Variants in ITGA1 observed in about 807,000 individuals in gnomAD.
ITGA1 encodes the protein integrin alpha-1.
Under a neutral mutation model 145.9 loss-of-function variants are expected in ITGA1, and 85 were observed. The ratio of observed to expected loss-of-function variants is 0.58; its 90% CI spans 0.49 to 0.70. The LOEUF is 0.70. Ranked by LOEUF, ITGA1 falls within the 30% of genes least tolerant of loss-of-function variation. The pLI is 0.00. For missense variants in ITGA1, 1,351 were observed against 1,418.7 expected, an observed-to-expected ratio of 0.95 and a Z score of 0.77; for synonymous variants, 520 against 495.3, an observed-to-expected ratio of 1.05 and a Z score of -0.66.
chr5:52,879,762 C>A (rs930563238), intron 6 of ITGA1, among the ~76,000 whole-genome samples: 2 of 152,026 alleles, frequency 1.3e-5, no homozygotes, highest in African/African-American at 4.8e-5. Context: ...TAGTAGCTCT[C>A]TCAGAATAGG....
chr5:52,801,488 C>T, intron 1 of ITGA1: 4 of 1,614,072 alleles, frequency 2.5e-6, no homozygotes, highest in Middle Eastern at 3.3e-4. Context: ...CTTTCAGACA[C>T]TAAAGCTGCT....
chr5:52,864,875 T>G, intron 4 of ITGA1, 24 bp downstream of exon 4: 1 of 1,559,792 alleles, frequency 6.4e-7, no homozygotes, highest in Non-Finnish European at 8.8e-7. Context: ...GAATGATATT[T>G]ATTGACAACA....
intron 14 of ITGA1, 133 bp from the exon 15 acceptor site, chr5:52,915,331 A>T (rs951444886): frequency 1.2e-6 from 1 of 860,588 alleles, no homozygotes; most frequent in South Asian, 1.7e-5. Context: ...TCTCCACATG[A>T]GGGACCTCTT....
rs1750927149 is a variant in ITGA1, at chr5:52,933,890, T to G, written c.2862-4T>G. ...TTTATTTTTCTTCTAATTAATTTTT[T>G]AAGCTCTGCAAGTGAATACCACATT... On this transcript the variant is annotated splice_polypyrimidine_tract_variant and splice_region_variant and intron_variant, in intron 22 of 28. Coordinates refer to ENST00000282588, the MANE Select transcript of ITGA1 (RefSeq NM_181501.2). 4.2e-6 allele frequency: 6 copies of G among 1,429,728 alleles called. No homozygotes were observed. The African/African-American group carries it at 8.7e-5, about 21-fold the overall frequency. 88.6% of individuals were successfully genotyped at this position (1,429,728 alleles called of 1,614,324 possible). A position where few individuals can be genotyped will look rare whatever the true frequency, so the allele number is the denominator to read the frequency against.
At chr5:52,914,837 A>G (rs1048039670) in intron 14 of ITGA1, among the ~76,000 whole-genome samples, 7 of 152,196 alleles carry the variant, frequency 4.6e-5, no homozygotes, top group East Asian at 1.9e-4. Context: ...ACAGATATCA[A>G]ACATACTATG....
chr5:52,921,792 T>G (rs572054592), intron 17 of ITGA1, among the ~76,000 whole-genome samples: 1 of 152,340 alleles, frequency 6.6e-6, no homozygotes, highest in East Asian at 1.9e-4. Context: ...TTCCACATTC[T>G]GAGAGACTTT....
intron 9 of ITGA1, among the ~76,000 whole-genome samples, chr5:52,894,448 C>A (rs191527102): frequency 8.5e-5 from 13 of 152,146 alleles, no homozygotes; most frequent in Admixed American, 2.0e-4. Context: ...CGAGTTATGG[C>A]ATTCCCTATT....
At chr5:52,846,358 G>T (rs909112109) in intron 1 of ITGA1, among the ~76,000 whole-genome samples, 1 of 152,052 alleles carries the variant, frequency 6.6e-6, no homozygotes, top group Non-Finnish European at 1.5e-5. Flanking sequence ...AACAGAGATT[G>T]TACCACTGCA....
chr5:52,911,562 C>A (rs1354898085), intron 14 of ITGA1, among the ~76,000 whole-genome samples: 3 of 50,918 alleles, frequency 5.9e-5, no homozygotes, highest in Non-Finnish European at 1.4e-4. Flanking sequence ...TATAGTGTAT[C>A]TACTATATAT....
intron 2 of ITGA1, among the ~76,000 whole-genome samples, chr5:52,854,877 A>T (rs1749483229): frequency 1.3e-5 from 2 of 152,200 alleles, no homozygotes. Context: ...CCTTGAGTTG[A>T]TCAGATGTTT....
At chr5:52,845,842 C>A (rs868620174) in intron 1 of ITGA1, among the ~76,000 whole-genome samples, 3 of 152,130 alleles carry the variant, frequency 2.0e-5, no homozygotes, top group Admixed American at 2.0e-4. Flanking sequence ...TCAAAAAATA[C>A]TTTCTTGAAA....
intron 6 of ITGA1, among the ~76,000 whole-genome samples, chr5:52,874,996 T>G (rs1317933960): frequency 6.6e-6 from 1 of 152,186 alleles, no homozygotes; most frequent in Non-Finnish European, 1.5e-5. Flanking sequence ...TTCCAATTAG[T>G]AATCCACAAT....
Position 52,887,853 on chromosome 5 carries a change from G to A in ITGA1, c.812G>A (p.Gly271Glu). ...ACGGAAGCCCGGGGTGCCCGAAGAG[G>A]AGTTAAAAAAGTCATGGTTATTGTG... ...AFTEARGARR[G>E]VKKVMVIVTD... The change falls in exon 8 of 29, where the codon GGA becomes GAA. Residue 271 changes from glycine to glutamate, a missense_variant. Physicochemically the swap from Gly to Glu is moderately conservative, Grantham distance 98. Coordinates refer to ENST00000282588, the MANE Select transcript of ITGA1 (RefSeq NM_181501.2). 6.2e-7 allele frequency: 1 copy of A among 1,613,814 alleles called. No homozygotes were observed. Among genetic ancestry groups the A allele is most frequent in the Non-Finnish European group, 8.5e-7 (1 of 1,179,808 alleles).
At position 52,953,270 on chromosome 5, in the gene ITGA1, T is replaced by G. The variant is rs1579739801; in HGVS notation, c.*819T>G. On this transcript the variant is annotated 3_prime_UTR_variant, in exon 29 of 29. Coordinates refer to ENST00000282588, the MANE Select transcript of ITGA1 (RefSeq NM_181501.2). The stretch of plus-strand genomic sequence containing the variant: ...GTGATTTGTCATGAAAAGCCATATA[T>G]GGGGGACATGCTAAAATGGCTTCTG... The G allele has an allele frequency of 6.6e-6, 1 of 152,172 alleles. No individual in the cohort carries two copies. The highest frequency in any genetic ancestry group is 2.4e-5 in the African/African-American group (1 of 41,444). The allele number at this position is 152,172 out of a possible 1,614,324, so 9.4% of individuals were successfully genotyped here.
intron 25 of ITGA1, 73 bp from the exon 26 acceptor site, chr5:52,939,767 T>C: frequency 1.4e-6 from 2 of 1,436,280 alleles, no homozygotes; most frequent in Non-Finnish European, 9.8e-7. Context: ...GAAATAACCA[T>C]CTGAAGAATT....
intron 1 of ITGA1, among the ~76,000 whole-genome samples, chr5:52,792,174 C>T (rs1748254967): frequency 6.6e-6 from 1 of 152,160 alleles, no homozygotes; most frequent in South Asian, 2.1e-4. Flanking sequence ...TGTCTCTCTT[C>T]CCTAGAAACA....
chr5:52,886,695 T>C (rs1469650662), intron 7 of ITGA1, among the ~76,000 whole-genome samples: 1 of 152,220 alleles, frequency 6.6e-6, no homozygotes, highest in African/African-American at 2.4e-5. Context: ...ATAGAATACA[T>C]ACAAAACAAA....
rs766208002 is a variant in ITGA1 at position 52,958,264 on chromosome 5, G to A, written c.*5813G>A. 6.6e-6 allele frequency: 1 copy of A among 152,118 alleles called. No individual in the cohort carries two copies. Among genetic ancestry groups the A allele is most frequent in the Non-Finnish European group, 1.5e-5 (1 of 68,030 alleles). 9.4% of individuals were successfully genotyped at this position (152,118 alleles called of 1,614,324 possible). On this transcript the variant is annotated 3_prime_UTR_variant, in exon 29 of 29. Coordinates refer to ENST00000282588, the MANE Select transcript of ITGA1 (RefSeq NM_181501.2). ...TGGGGGTGAGGGAGTGGAAGATGAT[G>A]AAACTATTTCTCTTTTATGTCTACA...
chr5:52,828,252 A>G (rs576306821), intron 1 of ITGA1, among the ~76,000 whole-genome samples: 1 of 152,244 alleles, frequency 6.6e-6, no homozygotes, highest in African/African-American at 2.4e-5. Flanking sequence ...CAACATTACC[A>G]CTTTACATTC....
Sources: gnomAD v4.1 joint callset for allele counts (sites outside exome capture counted in the v4.1 genomes callset) on GRCh38, gnomAD v4.1.1 for gene constraint, MANE v1.5 for transcripts, NCBI Gene and HGNC (gene_info 2026-07-23, HGNC 2026-07-21) for gene names.